SLC25A48: variants seen among roughly 807,000 people sequenced by gnomAD.
The protein encoded by SLC25A48 is CTC-321K16.1.
In SLC25A48, 29 loss-of-function variants were observed where a neutral mutation model predicts 32.2. The observed-to-expected ratio is 0.90, with a 90% confidence interval of 0.67 to 1.23. The LOEUF (loss-of-function observed/expected upper bound fraction) is 1.23, where lower values mean the gene tolerates loss of function less well. Among genes scored for constraint, SLC25A48 ranks in the 50% most tolerant of loss-of-function variants. SLC25A48 has a pLI of 0.00. For synonymous variants in SLC25A48, 164 were observed against 172.3 expected, an observed-to-expected ratio of 0.95 and a Z score of 0.38; for missense variants, 399 against 422.7, an observed-to-expected ratio of 0.94 and a Z score of 0.49.
chr5:135,668,205 G>A (rs1167331149), intron 3 of SLC25A48, among the ~76,000 whole-genome samples: 4 of 152,120 alleles, frequency 2.6e-5, no homozygotes, highest in African/African-American at 7.2e-5. Flanking sequence ...ACTAACAAGC[G>A]GCCAGAGATT....
At chr5:135,808,168 A>G (rs1757507236) in intron 3 of SLC25A48, among the ~76,000 whole-genome samples, 1 of 150,826 alleles carries the variant, frequency 6.6e-6, no homozygotes, top group Non-Finnish European at 1.5e-5. Context: ...TTAATATCAT[A>G]TTGTGTTAAC....
intron 3 of SLC25A48, among the ~76,000 whole-genome samples, chr5:135,773,825 T>C (rs1756478726): frequency 6.6e-6 from 1 of 151,338 alleles, no homozygotes. Context: ...ATTTTGTTTC[T>C]AATATCCAGA....
chr5:135,878,637 C>T (rs903017923), intron 6 of SLC25A48, among the ~76,000 whole-genome samples: 1 of 152,106 alleles, frequency 6.6e-6, no homozygotes, highest in Non-Finnish European at 1.5e-5. Context: ...GTGACAGAGG[C>T]CTGCACCAAC....
intron 3 of SLC25A48, among the ~76,000 whole-genome samples, chr5:135,769,609 CT>C (rs1244850735): frequency 1.3e-5 from 2 of 151,666 alleles, no homozygotes; most frequent in Non-Finnish European, 3.0e-5. Flanking sequence ...GTACAACCCC[CT>C]GTGATATTGT....
At chr5:135,754,384 T>C (rs1435252599) in intron 3 of SLC25A48, among the ~76,000 whole-genome samples, 1 of 152,130 alleles carries the variant, frequency 6.6e-6, no homozygotes, top group East Asian at 1.9e-4. Flanking sequence ...ATTACTGAAA[T>C]ATCCCTCTGG....
At position 135,880,017 on chromosome 5, in the gene SLC25A48, G is replaced by A. The variant is rs923227921; in HGVS notation, c.863G>A (p.Ser288Asn). The A allele has an allele frequency of 3.3e-6, 5 of 1,536,264 alleles. No homozygotes were observed. In the African/African-American group the frequency reaches 5.5e-5, roughly 17 times the overall value. The change falls in exon 7 of 8, where the codon AGT (serine) becomes AAT (asparagine). Residue 288 changes from serine (S) to asparagine (N), a missense_variant. Ser to Asn is a conservative substitution (Grantham distance 46, BLOSUM62 1). Transcript: ENST00000681962. ...TVNAVRGFPM[S>N]AAMFLGYELS... is the part of the protein sequence containing the mutation. ...AACGCGGTGCGGGGCTTCCCCATGA[G>A]TGCGGCCATGTTCCTTGGGTACGAG...
At chr5:135,745,278 A>G (rs577767525) in intron 3 of SLC25A48, among the ~76,000 whole-genome samples, 4 of 152,344 alleles carry the variant, frequency 2.6e-5, no homozygotes, top group African/African-American at 9.6e-5. Context: ...TGTTATCTGC[A>G]GCAGGAACAT....
intron 3 of SLC25A48, among the ~76,000 whole-genome samples, chr5:135,794,648 G>T (rs72791351): frequency 6.9e-6 from 1 of 144,688 alleles, no homozygotes; most frequent in African/African-American, 2.6e-5. Flanking sequence ...CAAGATCGCA[G>T]GGGGTGTACA....
In SLC25A48 at chr5:135,798,990, C is replaced by T. The variant is rs569527627; in HGVS notation, c.-520-13533C>T. The stretch of plus-strand genomic sequence containing the variant: ...GAGAGGAAGATACAACTTCCATTAT[C>T]GCAGAGGGTGTACACTTCGCCTGTG... On this transcript the variant is annotated intron_variant, in intron 3 of 10. Transcript: ENST00000646290. Among the ~76,000 whole-genome samples, 353 of 151,724 alleles carry T rather than the reference C, an allele frequency of 2.3e-3. 2 individuals carry two copies. The highest frequency in any genetic ancestry group is 4.1e-3 in the Non-Finnish European group (278 of 67,880).
At chr5:135,749,843 C>T (rs1376240586) in intron 3 of SLC25A48, among the ~76,000 whole-genome samples, 1 of 152,054 alleles carries the variant, frequency 6.6e-6, no homozygotes, top group Non-Finnish European at 1.5e-5. Context: ...CCGCCTGCCT[C>T]GGAATCCCAA....
chr5:135,850,601 T>C (rs1759776770), intron 3 of SLC25A48, 105 bp downstream of exon 3: 1 of 1,004,396 alleles, frequency 1.0e-6, no homozygotes. Context: ...CCTCTCATCC[T>C]GCTCTTCACA....
intron 1 of SLC25A48, among the ~76,000 whole-genome samples, chr5:135,591,118 T>A (rs2126876413): frequency 6.6e-6 from 1 of 152,324 alleles, no homozygotes; most frequent in Middle Eastern, 3.4e-3. Flanking sequence ...GCAGGGTGCC[T>A]GTGATTCCAC....
intron 3 of SLC25A48, among the ~76,000 whole-genome samples, chr5:135,746,592 C>T (rs1255325970): frequency 3.9e-5 from 6 of 152,174 alleles, no homozygotes; most frequent in South Asian, 2.1e-4. Context: ...TTGGGCGGAG[C>T]GACTGGGACT....
intron 1 of SLC25A48, among the ~76,000 whole-genome samples, chr5:135,840,720 T>C (rs1758918964): frequency 6.6e-6 from 1 of 152,238 alleles, no homozygotes; most frequent in Non-Finnish European, 1.5e-5. Context: ...TGGAGGTGCA[T>C]CTATGCTGTA....
chr5:135,797,949 C>T (rs1232123993), intron 3 of SLC25A48, among the ~76,000 whole-genome samples: 1 of 151,646 alleles, frequency 6.6e-6, no homozygotes, highest in African/African-American at 2.4e-5. Context: ...GGTGTACACC[C>T]CCTCTATGGT....
intron 3 of SLC25A48, among the ~76,000 whole-genome samples, chr5:135,689,168 G>C (rs1754087387): frequency 2.0e-5 from 3 of 152,172 alleles, no homozygotes; most frequent in Non-Finnish European, 4.4e-5. Context: ...ATACTCTCCT[G>C]ATGGCCTTTG....
At chr5:135,797,148 T>C (rs1404640912) in intron 3 of SLC25A48, among the ~76,000 whole-genome samples, 1 of 151,926 alleles carries the variant, frequency 6.6e-6, no homozygotes, top group Non-Finnish European at 1.5e-5. Flanking sequence ...GTGATATTCT[T>C]CCTAATATCC....
In SLC25A48 at chr5:135,666,529, G is replaced by A. The variant is rs1207073383; in HGVS notation, c.-521+31573G>A. Reference sequence around the variant, plus strand: ...CGATGTTTACCTGTAGTCTTGGGGGGAACTTCTAGAAACAGGGACCAACTT... The same window carrying A: ...CGATGTTTACCTGTAGTCTTGGGGGAAACTTCTAGAAACAGGGACCAACTT... On this transcript the variant is annotated intron_variant, in intron 3 of 10. Transcript: ENST00000646290. 6.6e-5 allele frequency among the ~76,000 whole-genome samples: 10 copies of A among 152,068 alleles called. No homozygotes were observed. The East Asian group carries it at 1.9e-3, about 29-fold the overall frequency.
intron 3 of SLC25A48, among the ~76,000 whole-genome samples, chr5:135,694,728 G>A (rs1250547920): frequency 6.6e-6 from 1 of 151,844 alleles, no homozygotes; most frequent in South Asian, 2.1e-4. Context: ...CTGGGACTAC[G>A]GGCACATGCC....
Sources: allele counts gnomAD v4.1 joint callset (sites outside exome capture counted in the v4.1 genomes callset), GRCh38; gene constraint gnomAD v4.1.1; transcripts MANE v1.5; gene names NCBI Gene and HGNC (gene_info 2026-07-23, HGNC 2026-07-21).